PHTF2: variants seen among roughly 807,000 people sequenced by gnomAD.
The protein encoded by PHTF2 is putative homeodomain transcription factor 2.
Under a neutral mutation model 101.2 loss-of-function variants are expected in PHTF2, and 60 were observed. That is an observed-to-expected ratio of 0.59 (90% confidence interval 0.48 to 0.73). The LOEUF (loss-of-function observed/expected upper bound fraction) is 0.73, where lower values mean the gene tolerates loss of function less well. Among genes scored for constraint, PHTF2 ranks in the 30% least tolerant of loss-of-function variants. The pLI is 0.00. For synonymous variants in PHTF2, 311 were observed against 307.3 expected, an observed-to-expected ratio of 1.01 and a Z score of -0.13; for missense variants, 747 against 908.7, an observed-to-expected ratio of 0.82 and a Z score of 2.29.
At chr7:77,869,233 A>G (rs1798328126) in intron 3 of PHTF2, among the ~76,000 whole-genome samples, 1 of 152,194 alleles carries the variant, frequency 6.6e-6, no homozygotes, top group Non-Finnish European at 1.5e-5. Flanking sequence ...GATCAGGGTA[A>G]TTAGGATATC....
At chr7:77,924,124 G>GTAAA in intron 11 of PHTF2, 2 of 957,346 alleles carry the variant, frequency 2.1e-6, no homozygotes. Flanking sequence ...CAGCTTTAAA[G>GTAAA]GGCGTTTCTA....
chr7:77,940,297 A>T lies in PHTF2; in HGVS notation c.1735A>T (p.Lys579Ter). 1.9e-6 allele frequency: 3 copies of T among 1,610,022 alleles called. No individual in the cohort carries two copies. The highest frequency in any genetic ancestry group is 8.5e-7 in the Non-Finnish European group (1 of 1,178,460). ...GCTCTGTGTAGCAGAAAGAACTTAT[A>T]AACAGGTGGGTATAATGTAGACTTC... Residue 579 changes from lysine to a stop codon, truncating the protein, a stop_gained, in exon 14 of 20, where the codon AAA becomes TAA. Coordinates refer to ENST00000416283, the Ensembl canonical transcript of PHTF2. LOFTEE classifies it high-confidence loss of function.
chr7:77,848,841 C>T (rs1470779654), intron 2 of PHTF2, among the ~76,000 whole-genome samples: 1 of 152,054 alleles, frequency 6.6e-6, no homozygotes, highest in African/African-American at 2.4e-5. Flanking sequence ...AGTTTAAAGT[C>T]TTAGATTTAA....
intron 1 of PHTF2, among the ~76,000 whole-genome samples, chr7:77,814,313 T>G (rs533379525): frequency 6.6e-6 from 1 of 152,336 alleles, no homozygotes; most frequent in South Asian, 2.1e-4. Flanking sequence ...ATACATAACC[T>G]TGTTTCATAT....
At chr7:77,908,360 T>A (rs554853498) in intron 7 of PHTF2, among the ~76,000 whole-genome samples, 3 of 152,244 alleles carry the variant, frequency 2.0e-5, no homozygotes, top group Non-Finnish European at 4.4e-5. Flanking sequence ...AAATTTGTTA[T>A]TAATTCTAAG....
chr7:77,813,643 CAAT>C (rs1203344620), intron 1 of PHTF2, among the ~76,000 whole-genome samples: 8 of 152,242 alleles, frequency 5.3e-5, no homozygotes, highest in African/African-American at 1.9e-4. Context: ...AATATTTAAG[CAAT>C]AATGAAATGT....
intron 1 of PHTF2, among the ~76,000 whole-genome samples, chr7:77,801,426 T>C (rs1040540606): frequency 4.6e-5 from 7 of 151,774 alleles, no homozygotes; most frequent in South Asian, 2.1e-4. Context: ...CTACTAAAAA[T>C]ACAAAAAAAA....
chr7:77,815,106 C>T (rs1793753106), intron 1 of PHTF2, among the ~76,000 whole-genome samples: 1 of 151,526 alleles, frequency 6.6e-6, no homozygotes, highest in Admixed American at 6.6e-5. Context: ...AGCAAAATCC[C>T]AACAAAAAGA....
In PHTF2 at chr7:77,840,316, A is replaced by C; in HGVS notation, c.45+16A>C. The C allele has an allele frequency of 1.0e-5, 16 of 1,557,642 alleles. No individual in the cohort carries two copies. Among genetic ancestry groups the C allele is most frequent in the Non-Finnish European group, 1.3e-5 (15 of 1,129,626 alleles). On this transcript the variant is annotated intron_variant, in intron 2 of 19. Transcript: ENST00000416283. ...TCAAAAGAAGGTAAGTTGATAGTCA[A>C]AACTTTTAGCTTTCTAAATGTTTGA... is the stretch of plus-strand genomic sequence containing the variant.
chr7:77,928,754 C>A (rs1804294252), intron 11 of PHTF2, among the ~76,000 whole-genome samples: 1 of 152,166 alleles, frequency 6.6e-6, no homozygotes, highest in Non-Finnish European at 1.5e-5. Flanking sequence ...TTAATAACAT[C>A]AATTAAAGTC....
chr7:77,879,159 G>A (rs1799195200), intron 3 of PHTF2, among the ~76,000 whole-genome samples: 1 of 152,184 alleles, frequency 6.6e-6, no homozygotes, highest in African/African-American at 2.4e-5. Context: ...TTAGTGGTAT[G>A]CAATAGTACT....
At chr7:77,921,884 T>C (rs1431741860) in intron 10 of PHTF2, among the ~76,000 whole-genome samples, 1 of 152,208 alleles carries the variant, frequency 6.6e-6, no homozygotes, top group African/African-American at 2.4e-5. Context: ...TACTTCCTCT[T>C]ATCCTGTAAA....
chr7:77,810,726 T>C (rs1490200291), intron 1 of PHTF2, among the ~76,000 whole-genome samples: 1 of 151,164 alleles, frequency 6.6e-6, no homozygotes, highest in African/African-American at 2.4e-5. Context: ...TTAGTAGAGA[T>C]GGGGTTTTGC....
At chr7:77,875,760 C>T (rs1362011767) in intron 3 of PHTF2, among the ~76,000 whole-genome samples, 4 of 151,746 alleles carry the variant, frequency 2.6e-5, no homozygotes, top group South Asian at 2.1e-4. Flanking sequence ...GGTTTCAGTG[C>T]GTTAGCCGGG....
intron 3 of PHTF2, among the ~76,000 whole-genome samples, chr7:77,868,322 ATTTTTT>A (rs761861776): frequency 3.8e-5 from 3 of 78,524 alleles, no homozygotes; most frequent in African/African-American, 5.6e-5. Flanking sequence ...TTAAAAAAAA[ATTTTTT>A]TTTTTTTTTT....
chr7:77,804,320 GT>G (rs1003067141), intron 1 of PHTF2, among the ~76,000 whole-genome samples: 2 of 151,806 alleles, frequency 1.3e-5, no homozygotes, highest in Admixed American at 1.3e-4. Context: ...TTAATGAGGG[GT>G]TTTTTGTTTG....
chr7:77,934,463 G>T (rs1179385399), intron 12 of PHTF2, among the ~76,000 whole-genome samples: 3 of 152,196 alleles, frequency 2.0e-5, no homozygotes, highest in South Asian at 4.1e-4. Flanking sequence ...TTGGCATGGT[G>T]AATTTATTTG....
chr7:77,887,513 G>A (rs1158962728), intron 3 of PHTF2, among the ~76,000 whole-genome samples: 1 of 152,040 alleles, frequency 6.6e-6, no homozygotes, highest in East Asian at 1.9e-4. Context: ...AGAAAATGAT[G>A]TTTGTATCTT....
chr7:77,911,292 C>A (rs999819421), intron 9 of PHTF2, among the ~76,000 whole-genome samples: 4 of 145,860 alleles, frequency 2.7e-5, no homozygotes, highest in Admixed American at 2.7e-4. Flanking sequence ...TACAACTATA[C>A]AAAAATGGCT....
Sources: allele counts gnomAD v4.1 joint callset (sites outside exome capture counted in the v4.1 genomes callset), GRCh38; gene constraint gnomAD v4.1.1; transcripts MANE v1.5; gene names NCBI Gene and HGNC (gene_info 2026-07-23, HGNC 2026-07-21).